Variants in SACS observed in about 807,000 individuals in gnomAD.
SACS encodes the protein sacsin molecular chaperone, also known as sacsin.
Under a neutral mutation model 348.0 loss-of-function variants are expected in SACS, and 197 were observed. That is an observed-to-expected ratio of 0.57 (90% CI 0.50 to 0.64). SACS has a LOEUF of 0.64. Ranked by LOEUF, SACS falls within the 30% of genes least tolerant of loss-of-function variation. The pLI, the probability that SACS is intolerant of heterozygous loss-of-function variation, is 0.00. For missense variants in SACS, 4,999 were observed against 5,360.8 expected, an observed-to-expected ratio of 0.93 and a Z score of 2.11; for synonymous variants, 1,985 against 1,910.6, an observed-to-expected ratio of 1.04 and a Z score of -1.02.
rs1194860104 is a variant in SACS, at chr13:23,360,835, ACCTCCG to A, written c.458-2360_458-2355del. Among the ~76,000 whole-genome samples the A allele has an allele frequency of 5.2e-4, 75 of 145,102 alleles. 1 individual carries two copies. The highest frequency in any genetic ancestry group is 1.9e-3 in the African/African-American group (73 of 38,880). On this transcript the variant is annotated intron_variant, in intron 6 of 9. Transcript: ENST00000382292. ...CAGTGATGCTATCTCAGCTCATTGC[ACCTCCG>A]CCTCCCGGGTTCAAGCAATTCTTCT...
chr13:23,334,076 G>A lies in SACS; in HGVS notation c.9800C>T (p.Thr3267Ile). The part of the protein sequence containing the change: ...VKEDQEETKP[T>I]FDIVVDTLKD... ...TAGAGTATCAACAACAATGTCAAAT[G>A]TTGGTTTTGTTTCTTCCTGATCTTC... Residue 3267 changes from threonine to isoleucine, a missense_variant, in exon 10 of 10, where the codon ACA becomes ATA. Transcript: ENST00000382292. 6.2e-7 allele frequency: 1 copy of A among 1,613,738 alleles called. No homozygotes were observed. Among genetic ancestry groups the A allele is most frequent in the African/African-American group, 1.3e-5 (1 of 75,036 alleles).
intron 3 of SACS, among the ~76,000 whole-genome samples, chr13:23,371,366 T>G (rs1001865737): frequency 6.6e-6 from 1 of 152,176 alleles, no homozygotes; most frequent in Non-Finnish European, 1.5e-5. Flanking sequence ...GACTAAAAGA[T>G]TTTTCGTTAA....
rs1028154305 is a variant in SACS, at chr13:23,375,380, C to T, written c.21-111G>A. 192 of 1,248,968 alleles carry T rather than the reference C, an allele frequency of 1.5e-4. No individual in the cohort carries two copies. In the African/African-American group the frequency reaches 2.7e-3, roughly 18 times the overall value. 77.4% of individuals were successfully genotyped at this position (1,248,968 alleles called of 1,614,324 possible). Reference sequence around the variant, plus strand: ...TCCCACATCGCGGCGCGGCAGGCGCCCCTAGCGCCCGCCCCTGACGCCGGC... The same window carrying T: ...TCCCACATCGCGGCGCGGCAGGCGCTCCTAGCGCCCGCCCCTGACGCCGGC... On this transcript the variant is annotated intron_variant, in intron 2 of 9. Transcript: ENST00000382292.
At chr13:23,386,833 C>A (rs1346151084) in intron 2 of SACS, among the ~76,000 whole-genome samples, 1 of 152,050 alleles carries the variant, frequency 6.6e-6, no homozygotes, top group Non-Finnish European at 1.5e-5. Flanking sequence ...AATTTCAATA[C>A]TGTTGTGTCT....
intron 2 of SACS, among the ~76,000 whole-genome samples, chr13:23,406,748 C>T (rs1006767638): frequency 4.6e-5 from 7 of 152,222 alleles, no homozygotes; most frequent in African/African-American, 9.6e-5. Context: ...CTCACGTCAT[C>T]AATTATTATT....
rs1459785368 is a variant in SACS at position 23,332,886 on chromosome 13, T to C, written c.10990A>G (p.Ile3664Val). The C allele has an allele frequency of 1.2e-6, 2 of 1,613,948 alleles. No individual in the cohort carries two copies. Among genetic ancestry groups the C allele is most frequent in the Admixed American group, 3.3e-5 (2 of 59,998 alleles). The stretch of plus-strand genomic sequence containing the variant: ...TCTTGATATTGAGGATGAAATCTAA[T>C]GAATTCCGCGGGGGCCCGCTCAGGA... ...LCPERAPAEF[I>V]RFHPQYQEVN... The change falls in exon 10 of 10, where the codon ATT becomes GTT. Residue 3664 changes from isoleucine to valine, a missense_variant. Ile to Val is a conservative substitution (Grantham distance 29, BLOSUM62 3). Coordinates refer to ENST00000382292, the MANE Select transcript of SACS (RefSeq NM_014363.6).
chr13:23,340,873 AT>A lies in SACS; in HGVS notation c.3002del (p.Asn1001MetfsTer9). 3 of 1,608,730 alleles carry A rather than the reference AT, an allele frequency of 1.9e-6. No individual in the cohort carries two copies. Among genetic ancestry groups the A allele is most frequent in the Non-Finnish European group, 2.6e-6 (3 of 1,175,964 alleles). On this transcript the variant is annotated frameshift_variant, in exon 10 of 10. Coordinates refer to ENST00000382292, the MANE Select transcript of SACS (RefSeq NM_014363.6). LOFTEE classifies it high-confidence loss of function. ...CLKLVLKDIE[N>X]AFYSHEEVTQ... ...TTACCTCTTCATGTGAATAAAATGC[AT>A]TTTCAATATCTTTTAAAACAAGCTT...
chr13:23,364,652 A>C (rs563359163), intron 6 of SACS, among the ~76,000 whole-genome samples: 3 of 152,280 alleles, frequency 2.0e-5, no homozygotes, highest in African/African-American at 7.2e-5. Flanking sequence ...AGATATTAGG[A>C]GTCTATTGGT....
chr13:23,367,782 C>CG (rs1256176629), intron 5 of SACS, among the ~76,000 whole-genome samples: 2 of 151,952 alleles, frequency 1.3e-5, no homozygotes, highest in Admixed American at 1.3e-4. Flanking sequence ...TTAATAGAGA[C>CG]GGGGTTTCGC....
rs1034981619 is a variant in SACS at position 23,331,298 on chromosome 13, A to T, written c.12578T>A (p.Ile4193Asn). Residue 4193 changes from isoleucine (I) to asparagine (N), a missense_variant, in exon 10 of 10, where the codon ATC (isoleucine) becomes AAC (asparagine). Ile to Asn is a moderately radical substitution (Grantham distance 149, BLOSUM62 -3). This residue lies in a region of SACS where 831 missense variants were observed against 941.8 expected (regional missense o/e 0.88). Transcript: ENST00000382292. ...GYLVDAEGGD[I>N]YGSYQPTYTY... is the part of the protein sequence containing the mutation. ...GTATGTTGGCTGGTATGATCCATAG[A>T]TATCACCACCTTCAGCATCAACAAG... 5 of 1,613,876 alleles carry T rather than the reference A, an allele frequency of 3.1e-6. No individual in the cohort carries two copies. The highest frequency in any genetic ancestry group is 3.3e-5 in the Admixed American group (2 of 60,000).
intron 6 of SACS, among the ~76,000 whole-genome samples, chr13:23,360,476 C>T (rs1026554346): frequency 3.3e-5 from 5 of 151,046 alleles, no homozygotes; most frequent in African/African-American, 9.7e-5. Flanking sequence ...AGAAAGAACT[C>T]GAATAACTAC....
rs372119773 is a variant in SACS at position 23,335,595 on chromosome 13, C to T, written c.8281G>A (p.Val2761Met). Residue 2761 changes from valine (V) to methionine (M), a missense_variant, in exon 10 of 10, where the codon GTG (valine) becomes ATG (methionine). Transcript: ENST00000382292. The surrounding 1 kb of genome is among the most constrained non-coding windows in gnomAD (Gnocchi z 4.7). ...ATTTTGCCCTTTACTGAATACAGCA[C>T]ATTTAGAGCTCCAGTACTCTTATCT... ...EIDKSTGALNVLYSVKGKITD... is the reference protein window; with the variant it reads ...EIDKSTGALNMLYSVKGKITD... The T allele has an allele frequency of 4.3e-6, 7 of 1,613,704 alleles. No homozygotes were observed. Among genetic ancestry groups the T allele is most frequent in the African/African-American group, 1.3e-5 (1 of 74,906 alleles).
intron 6 of SACS, among the ~76,000 whole-genome samples, chr13:23,360,946 G>C (rs954830105): frequency 1.3e-5 from 2 of 151,890 alleles, no homozygotes; most frequent in African/African-American, 2.4e-5. Flanking sequence ...GTACAGGTGG[G>C]GTTTCACCAT....
At position 23,331,792 on chromosome 13, in the gene SACS, C is replaced by T. The variant is rs1242833943; in HGVS notation, c.12084G>A (p.Leu4028=). Residue 4028 remains leucine (L), a synonymous_variant, in exon 10 of 10, where the codon CTG becomes CTA. Coordinates refer to ENST00000382292, the MANE Select transcript of SACS (RefSeq NM_014363.6). The stretch of plus-strand genomic sequence containing the variant: ...GTCTTATGGCTTTTTCTTCATTGGC[C>T]AGAAAAGCATTATCATTTTCATGCT... ...IMKHENDNAF[L]ANEEKAIRLC... is the part of the protein sequence containing the mutation. 1.2e-6 allele frequency: 2 copies of T among 1,613,746 alleles called. No homozygotes were observed. Among genetic ancestry groups the T allele is most frequent in the African/African-American group, 2.7e-5 (2 of 74,892 alleles).
intron 9 of SACS, among the ~76,000 whole-genome samples, chr13:23,348,672 G>T (rs1869767475): frequency 6.6e-6 from 1 of 152,200 alleles, no homozygotes. Context: ...AGATGTCAAA[G>T]AAAGCTTCCT....
At position 23,411,221 on chromosome 13, in the gene SACS, T is replaced by C. The variant is rs1374797051; in HGVS notation, c.19A>G (p.Arg7Gly). 7 of 1,605,658 alleles carry C rather than the reference T, an allele frequency of 4.4e-6. No individual in the cohort carries two copies. The highest frequency in any genetic ancestry group is 6.0e-6 in the Non-Finnish European group (7 of 1,172,374). ...CATTTAAAACATTAACTCATTTACC[T>C]GTTCTCCTTGGTCTCCATGATCACT... METKEN[R>G]WVPVTVLPGC... is the part of the protein sequence containing the mutation. The change falls in exon 2 of 10, where the codon AGG becomes GGG. Residue 7 changes from arginine to glycine, a missense_variant and splice_region_variant. Around this residue, in one of 6 missense-constraint regions of SACS, gnomAD observed 3,156 missense variants for 3,380.1 expected, o/e 0.93. Transcript: ENST00000382292.
intron 9 of SACS, among the ~76,000 whole-genome samples, chr13:23,352,065 T>A (rs1232675417): frequency 6.6e-6 from 1 of 152,188 alleles, no homozygotes; most frequent in East Asian, 1.9e-4. Flanking sequence ...GTAGCCACAC[T>A]CTGTGCCACA....
rs550792713 is a variant in SACS, at chr13:23,409,620, G to A, written c.20+1600C>T. ...GCTGGGATTACAGGTGTGAGCCACC[G>A]CACCTGGCTGGTTTTATATAAACCA... On this transcript the variant is annotated intron_variant, in intron 2 of 9. Coordinates refer to ENST00000382292, the MANE Select transcript of SACS (RefSeq NM_014363.6). 8.5e-5 allele frequency among the ~76,000 whole-genome samples: 13 copies of A among 152,056 alleles called. No individual in the cohort carries two copies. In the South Asian group the frequency reaches 2.5e-3, roughly 29 times the overall value.
intron 6 of SACS, among the ~76,000 whole-genome samples, chr13:23,359,064 C>G (rs1483875814): frequency 1.3e-5 from 2 of 152,066 alleles, no homozygotes; most frequent in Non-Finnish European, 2.9e-5. Context: ...CGCCTGTAAT[C>G]CCAGCTACTT....
Sources: gnomAD v4.1 joint callset for allele counts (sites outside exome capture counted in the v4.1 genomes callset) on GRCh38, gnomAD v4.1.1 for gene constraint, gnomAD v4.1.1 regional missense constraint, Gnocchi (gnomAD v3.1) non-coding constraint, MANE v1.5 for transcripts, NCBI Gene and HGNC (gene_info 2026-07-23, HGNC 2026-07-21) for gene names.